Variants in IQCH observed in about 807,000 individuals in gnomAD.
IQCH encodes IQ motif containing H.
IQCH carries 98 observed loss-of-function variants against 117.0 expected under a neutral mutation model. The ratio of observed to expected loss-of-function variants is 0.84; its 90% confidence interval spans 0.71 to 0.99. The LOEUF (loss-of-function observed/expected upper bound fraction) is 0.99, where lower values mean the gene tolerates loss of function less well. Among genes scored for constraint, IQCH ranks in the 50% least tolerant of loss-of-function variants. The pLI is 0.00. For missense variants in IQCH, 1,102 were observed against 1,243.8 expected, an observed-to-expected ratio of 0.89 and a Z score of 1.72; for synonymous variants, 412 against 448.2, an observed-to-expected ratio of 0.92 and a Z score of 1.02.
chr15:67,312,606 A>T (rs1459329222), intron 4 of IQCH, among the ~76,000 whole-genome samples: 2 of 152,172 alleles, frequency 1.3e-5, no homozygotes, highest in Non-Finnish European at 2.9e-5. Context: ...CATCTTCTTG[A>T]GTTAAAATAT....
At position 67,492,155 on chromosome 15, in the gene IQCH, G is replaced by T. The variant is rs1051313187; in HGVS notation, c.2861+2091G>T. Among the ~76,000 whole-genome samples the T allele has an allele frequency of 3.3e-5, 5 of 152,256 alleles. No individual in the cohort carries two copies. In the East Asian group the frequency reaches 7.7e-4, roughly 23 times the overall value. Reference sequence around the variant, plus strand: ...CTGGATTTGAAGTTGGCATGCATGGGAATAAGAAATTTGTATTTTCCCAAC... The same window carrying T: ...CTGGATTTGAAGTTGGCATGCATGGTAATAAGAAATTTGTATTTTCCCAAC... On this transcript the variant is annotated intron_variant, in intron 19 of 20. Transcript: ENST00000335894.
Position 67,265,822 on chromosome 15 carries a change from G to C in IQCH, c.269+2606G>C, listed in dbSNP as rs187677641. Among the ~76,000 whole-genome samples, 107 of 152,306 alleles carry C rather than the reference G, an allele frequency of 7.0e-4. 1 individual carries two copies. The highest frequency in any genetic ancestry group is 4.4e-3 in the Admixed American group (67 of 15,302). On this transcript the variant is annotated intron_variant, in intron 3 of 20. Transcript: ENST00000335894. Reference sequence around the variant, plus strand: ...GGACTGCTAGGAGATTATATCCAAAGCAGGTTACAGAGCCCAGAATTTCTT... The same window carrying C: ...GGACTGCTAGGAGATTATATCCAAACCAGGTTACAGAGCCCAGAATTTCTT...
chr15:67,424,499 A>T lies in IQCH; in HGVS notation c.2505+2922A>T, dbSNP rs1233150243. Among the ~76,000 whole-genome samples the T allele has an allele frequency of 1.3e-5, 2 of 152,212 alleles. No homozygotes were observed. The highest frequency in any genetic ancestry group is 3.8e-4 in the East Asian group (2 of 5,204). On this transcript the variant is annotated intron_variant, in intron 16 of 20. Transcript: ENST00000335894. This position sits in a 1 kb window ranked among gnomAD's most constrained non-coding sequence, Gnocchi z 4.9. ...CTCCTATTAATTGTAAGCTCTTTTA[A>T]GCGATGTGCTGTGTTTCTTTTTGCT...
intron 4 of IQCH, among the ~76,000 whole-genome samples, chr15:67,283,174 T>A (rs564774815): frequency 8.5e-5 from 13 of 152,196 alleles, no homozygotes; most frequent in Admixed American, 4.6e-4. Flanking sequence ...GTGACAAACA[T>A]AATATGAAGA....
intron 10 of IQCH, among the ~76,000 whole-genome samples, chr15:67,383,130 T>C (rs1970995598): frequency 6.6e-6 from 1 of 152,226 alleles, no homozygotes; most frequent in African/African-American, 2.4e-5. Context: ...TGTTGTTATA[T>C]GTTTTGGAAA....
chr15:67,470,395 G>T (rs2083042756), intron 17 of IQCH, among the ~76,000 whole-genome samples: 2 of 152,108 alleles, frequency 1.3e-5, no homozygotes, highest in South Asian at 4.1e-4. Context: ...GACCAGGATG[G>T]TCTCGATCTC....
intron 4 of IQCH, among the ~76,000 whole-genome samples, chr15:67,327,270 A>C (rs986689318): frequency 2.6e-5 from 4 of 152,184 alleles, no homozygotes; most frequent in East Asian, 1.9e-4. Flanking sequence ...TTTGTGAATC[A>C]CCATAGCTTA....
rs117970430 is a variant in IQCH, at chr15:67,467,648, G to A, written c.2676+2351G>A. Among the ~76,000 whole-genome samples the A allele has an allele frequency of 0.021, 3,214 of 152,258 alleles. 73 individuals carry two copies. Among genetic ancestry groups the A allele is most frequent in the Middle Eastern group, 0.048 (14 of 294 alleles). ...GTGCATGTGTACACATATGATCAGC[G>A]ATTTTTTTAAAAAGAAGCATGTGCA... On this transcript the variant is annotated intron_variant, in intron 17 of 20. Coordinates refer to ENST00000335894, the MANE Select transcript of IQCH (RefSeq NM_001031715.3). The surrounding 1 kb of genome is among the most constrained non-coding windows in gnomAD (Gnocchi z 5.7).
At position 67,496,287 on chromosome 15, in the gene IQCH, A is replaced by C. The variant is rs1384542507; in HGVS notation, c.2970+1921A>C. 6.6e-6 allele frequency among the ~76,000 whole-genome samples: 1 copy of C among 152,094 alleles called. No homozygotes were observed. The highest frequency in any genetic ancestry group is 1.5e-5 in the Non-Finnish European group (1 of 68,014). On this transcript the variant is annotated intron_variant, in intron 20 of 20. Coordinates refer to ENST00000335894, the MANE Select transcript of IQCH (RefSeq NM_001031715.3). The surrounding 1 kb of genome is among the most constrained non-coding windows in gnomAD (Gnocchi z 4.4). ...AGTCTGGGTGATGGGAGTAAGAATA[A>C]AAAAAAGGAAGATAATGCAGAAAAT...
At chr15:67,421,627 C>T (rs1400439231) in intron 16 of IQCH, 50 bp downstream of exon 16, 3 of 1,550,350 alleles carry the variant, frequency 1.9e-6, no homozygotes, top group Non-Finnish European at 1.8e-6. Context: ...AATGACTCCG[C>T]ACCCTACACA....
At chr15:67,362,149 CCACACA>C (rs5813439) in intron 8 of IQCH, among the ~76,000 whole-genome samples, 5 of 150,336 alleles carry the variant, frequency 3.3e-5, no homozygotes. Flanking sequence ...TACGCACACA[CCACACA>C]CACACACACA....
At chr15:67,330,856 G>T (rs1327642747) in intron 4 of IQCH, among the ~76,000 whole-genome samples, 1 of 152,140 alleles carries the variant, frequency 6.6e-6, no homozygotes, top group African/African-American at 2.4e-5. Flanking sequence ...CCCTGATGGA[G>T]GATATTTCTC....
rs1306563521 is a variant in IQCH at position 67,406,955 on chromosome 15, A to G, written c.2097+6650A>G. 1 of 152,266 alleles carries G rather than the reference A, an allele frequency of 6.6e-6. No homozygotes were observed. The highest frequency in any genetic ancestry group is 6.5e-5 in the Admixed American group (1 of 15,286). The allele number at this position is 152,266 out of a possible 1,614,324, so 9.4% of individuals were successfully genotyped here. Reference sequence around the variant, plus strand: ...TACCATAAAATTGTATTATAACAAAATACAGGTAACATTGAACAAGTACAT... The same window carrying G: ...TACCATAAAATTGTATTATAACAAAGTACAGGTAACATTGAACAAGTACAT... On this transcript the variant is annotated intron_variant, in intron 14 of 20. Coordinates refer to ENST00000335894, the MANE Select transcript of IQCH (RefSeq NM_001031715.3). This position sits in a 1 kb window ranked among gnomAD's most constrained non-coding sequence, Gnocchi z 4.5.
At chr15:67,271,352 G>T (rs1325007096) in intron 3 of IQCH, among the ~76,000 whole-genome samples, 2 of 152,156 alleles carry the variant, frequency 1.3e-5, no homozygotes, top group African/African-American at 2.4e-5. Context: ...TTTATGAGTG[G>T]TATTGGCCTA....
At chr15:67,301,134 A>T (rs1274345456) in intron 4 of IQCH, among the ~76,000 whole-genome samples, 1 of 152,238 alleles carries the variant, frequency 6.6e-6, no homozygotes, top group East Asian at 1.9e-4. Context: ...TTTACTAAAA[A>T]TTTCTGAAGT....
chr15:67,419,520 G>A (rs937407614), intron 15 of IQCH, among the ~76,000 whole-genome samples: 2 of 152,042 alleles, frequency 1.3e-5, no homozygotes, highest in African/African-American at 2.4e-5. Flanking sequence ...TTTCTAAATT[G>A]TCATAGGATT....
chr15:67,498,873 A>T (rs1041992021), intron 20 of IQCH, among the ~76,000 whole-genome samples: 3 of 152,246 alleles, frequency 2.0e-5, no homozygotes, highest in African/African-American at 7.2e-5. Context: ...TAATATTTGC[A>T]AATCATATAT....
At chr15:67,485,260 A>G (rs1042633158) in intron 18 of IQCH, among the ~76,000 whole-genome samples, 1 of 152,204 alleles carries the variant, frequency 6.6e-6, no homozygotes, top group Non-Finnish European at 1.5e-5. Context: ...AAATTCTGGA[A>G]CCAAAAATTA....
At chr15:67,360,459 A>G (rs1056505212) in intron 8 of IQCH, among the ~76,000 whole-genome samples, 1 of 152,240 alleles carries the variant, frequency 6.6e-6, no homozygotes, top group Non-Finnish European at 1.5e-5. Flanking sequence ...CATGGGTAAT[A>G]AAAGTCCTGA....
Sources: gnomAD v4.1 joint callset for allele counts (sites outside exome capture counted in the v4.1 genomes callset) on GRCh38, gnomAD v4.1.1 for gene constraint, Gnocchi (gnomAD v3.1) non-coding constraint, MANE v1.5 for transcripts, NCBI Gene and HGNC (gene_info 2026-07-23, HGNC 2026-07-21) for gene names.